The following FMN2 variants were observed in gnomAD, a reference collection of about 807,000 sequenced individuals.
FMN2 encodes the protein formin-2.
FMN2 carries 51 observed loss-of-function variants against 142.3 expected under a neutral mutation model. The ratio of observed to expected loss-of-function variants is 0.36; its 90% CI spans 0.29 to 0.45. The LOEUF is 0.45. Ranked by LOEUF, FMN2 falls within the 20% of genes least tolerant of loss-of-function variation. FMN2 has a pLI of 1.00. For missense variants in FMN2, 1,936 were observed against 2,122.8 expected, an observed-to-expected ratio of 0.91 and a Z score of 1.73; for synonymous variants, 882 against 869.8, an observed-to-expected ratio of 1.01 and a Z score of -0.25.
At chr1:240,388,873 A>G (rs1340936591) in intron 14 of FMN2, among the ~76,000 whole-genome samples, 2 of 149,090 alleles carry the variant, frequency 1.3e-5, no homozygotes, top group African/African-American at 5.0e-5. Context: ...AAAAAAAAAA[A>G]AAAAGGGGGG....
intron 14 of FMN2, among the ~76,000 whole-genome samples, chr1:240,362,317 T>C (rs898145381): frequency 1.3e-5 from 2 of 152,198 alleles, no homozygotes; most frequent in African/African-American, 4.8e-5. Context: ...GTGATGGTTT[T>C]GTTTTTGTGC....
intron 4 of FMN2, among the ~76,000 whole-genome samples, chr1:240,192,635 A>T (rs1189514197): frequency 6.6e-6 from 1 of 152,184 alleles, no homozygotes; most frequent in African/African-American, 2.4e-5. Context: ...GTCATCCTTG[A>T]AGTCTTCCTC....
chr1:240,436,652 G>C (rs1251178681), intron 15 of FMN2, among the ~76,000 whole-genome samples: 30 of 148,278 alleles, frequency 2.0e-4, no homozygotes, highest in Middle Eastern at 3.4e-3. Context: ...ACTCTAGCCT[G>C]GGTGACAGTG....
At chr1:240,257,860 T>C in intron 6 of FMN2, 85 bp from the exon 7 acceptor site, 1 of 1,109,270 alleles carries the variant, frequency 9.0e-7, no homozygotes, top group South Asian at 1.3e-5. Flanking sequence ...CTGAATTTGT[T>C]CTTCATTTAG....
At chr1:240,275,571 T>C (rs1469989323) in intron 7 of FMN2, among the ~76,000 whole-genome samples, 1 of 152,172 alleles carries the variant, frequency 6.6e-6, no homozygotes, top group Non-Finnish European at 1.5e-5. Context: ...TGTGTGTTTA[T>C]AGTAGAATGA....
chr1:240,203,808 TTAAAA>T (rs908212164), intron 4 of FMN2, among the ~76,000 whole-genome samples: 1 of 152,202 alleles, frequency 6.6e-6, no homozygotes, highest in African/African-American at 2.4e-5. Flanking sequence ...ATCCCAGGAC[TTAAAA>T]TAAAATTAAA....
At chr1:240,302,405 A>T (rs553502907) in intron 8 of FMN2, among the ~76,000 whole-genome samples, 86 of 152,174 alleles carry the variant, frequency 5.7e-4, no homozygotes, top group African/African-American at 1.9e-3. Flanking sequence ...ACAAGTCCAA[A>T]GAAAAATGAA....
chr1:240,199,333 T>A (rs978020906), intron 4 of FMN2, among the ~76,000 whole-genome samples: 10 of 152,210 alleles, frequency 6.6e-5, no homozygotes, highest in African/African-American at 2.4e-4. Context: ...AATAAGCAGC[T>A]TTTAAATTCT....
At position 240,206,736 on chromosome 1, in the gene FMN2, T is replaced by A. The variant is rs1317137955; in HGVS notation, c.1987-63T>A. The stretch of plus-strand genomic sequence containing the variant: ...ACAAACAGATATAATTTTGCTTAAT[T>A]TTTTGCTATTTGCATTTTTCCTTAT... On this transcript the variant is annotated intron_variant, in intron 4 of 17. Coordinates refer to ENST00000319653, the MANE Select transcript of FMN2 (RefSeq NM_020066.5). The A allele has an allele frequency of 3.3e-6, 5 of 1,531,704 alleles. No homozygotes were observed. In the African/African-American group the frequency reaches 4.2e-5, roughly 13 times the overall value. The allele number at this position is 1,531,704 out of a possible 1,614,324, so 94.9% of individuals were successfully genotyped here. A position where few individuals can be genotyped will look rare whatever the true frequency, so the allele number is the denominator to read the frequency against.
intron 1 of FMN2, among the ~76,000 whole-genome samples, chr1:240,115,648 G>C (rs1661990576): frequency 6.6e-6 from 1 of 152,044 alleles, no homozygotes; most frequent in Admixed American, 6.6e-5. Flanking sequence ...TTTTTCCCCA[G>C]TCCTCCTGCT....
At chr1:240,338,123 T>A (rs1186612663) in intron 13 of FMN2, among the ~76,000 whole-genome samples, 1 of 152,230 alleles carries the variant, frequency 6.6e-6, no homozygotes, top group Non-Finnish European at 1.5e-5. Context: ...AATGTTCTCA[T>A]GCAAATTCTT....
At chr1:240,419,858 A>G (rs886909126) in intron 15 of FMN2, among the ~76,000 whole-genome samples, 1 of 152,108 alleles carries the variant, frequency 6.6e-6, no homozygotes, top group Admixed American at 6.5e-5. Context: ...AGCCACCTGT[A>G]GCCTCCTGTT....
intron 4 of FMN2, among the ~76,000 whole-genome samples, chr1:240,196,058 C>A (rs998127710): frequency 1.3e-5 from 2 of 152,172 alleles, no homozygotes; most frequent in East Asian, 3.9e-4. Context: ...TATCCTTTTG[C>A]AGTAGGCAGA....
intron 15 of FMN2, among the ~76,000 whole-genome samples, chr1:240,397,785 C>CAAAA (rs35826717): frequency 0.26 from 12,007 of 46,630 alleles, 1,810 homozygotes; most frequent in East Asian, 0.45. Flanking sequence ...GACTCCTTCT[C>CAAAA]AAAAAAAAAA....
rs527513544 is a variant in FMN2 at position 240,426,970 on chromosome 1, C to T, written c.4911-11091C>T. 5.3e-5 allele frequency among the ~76,000 whole-genome samples: 8 copies of T among 151,014 alleles called. No homozygotes were observed. In the East Asian group the frequency reaches 1.4e-3, roughly 26 times the overall value. On this transcript the variant is annotated intron_variant, in intron 15 of 17. Coordinates refer to ENST00000319653, the MANE Select transcript of FMN2 (RefSeq NM_020066.5). ...GCCAGGCTGGTCTTGAACTCCTGAC[C>T]TCTGGTGATCCACCCGCCTTGGCCT...
chr1:240,231,854 C>G (rs543917496), intron 6 of FMN2, among the ~76,000 whole-genome samples: 25 of 152,262 alleles, frequency 1.6e-4, no homozygotes, highest in Admixed American at 4.6e-4. Context: ...TCTTATCATC[C>G]TCTGAGTTTA....
At chr1:240,360,734 A>G (rs1048260259) in intron 14 of FMN2, among the ~76,000 whole-genome samples, 5 of 152,168 alleles carry the variant, frequency 3.3e-5, no homozygotes, top group Non-Finnish European at 7.3e-5. Flanking sequence ...ATGTCCAACA[A>G]TGATAGACTG....
intron 6 of FMN2, among the ~76,000 whole-genome samples, chr1:240,214,561 A>AAAAAG (rs1553342718): frequency 2.7e-5 from 4 of 148,196 alleles, no homozygotes; most frequent in Non-Finnish European, 5.9e-5. Flanking sequence ...AAAAAAAAAA[A>AAAAAG]AAAAAGAAAA....
chr1:240,442,754 G>A (rs779521771), intron 16 of FMN2, among the ~76,000 whole-genome samples: 4 of 152,124 alleles, frequency 2.6e-5, no homozygotes, highest in Admixed American at 1.3e-4. Context: ...TCCTGATGAC[G>A]CATGTGATTT....
Sources: allele counts gnomAD v4.1 joint callset (sites outside exome capture counted in the v4.1 genomes callset), GRCh38; gene constraint gnomAD v4.1.1; transcripts MANE v1.5; gene names NCBI Gene and HGNC (gene_info 2026-07-23, HGNC 2026-07-21).